RAPH1: variants seen among roughly 807,000 people sequenced by gnomAD.
The protein encoded by RAPH1 is ras-associated and pleckstrin homology domains-containing protein 1.
RAPH1 carries 18 observed loss-of-function variants against 88.1 expected under a neutral mutation model. The observed-to-expected ratio is 0.20, with a 90% confidence interval of 0.14 to 0.30. The LOEUF (loss-of-function observed/expected upper bound fraction) is 0.30, where lower values mean the gene tolerates loss of function less well. RAPH1 is among the 10% of genes least tolerant of loss of function. RAPH1 has a pLI of 1.00. For missense variants in RAPH1, 1,448 were observed against 1,543.2 expected, an observed-to-expected ratio of 0.94 and a Z score of 1.03; for synonymous variants, 587 against 559.0, an observed-to-expected ratio of 1.05 and a Z score of -0.71.
At chr2:203,498,882 G>C (rs1340522471) in intron 1 of RAPH1, among the ~76,000 whole-genome samples, 2 of 152,094 alleles carry the variant, frequency 1.3e-5, no homozygotes, top group African/African-American at 4.8e-5. Context: ...CTTATACGGT[G>C]GTCCCATAAG....
intron 4 of RAPH1, among the ~76,000 whole-genome samples, chr2:203,487,110 ATT>A (rs1688006421): frequency 6.6e-6 from 1 of 152,212 alleles, no homozygotes; most frequent in Non-Finnish European, 1.5e-5. Flanking sequence ...TAATGAGCAC[ATT>A]TTACAGACAG....
intron 1 of RAPH1, among the ~76,000 whole-genome samples, chr2:203,517,835 C>G (rs1173042046): frequency 6.6e-6 from 1 of 151,950 alleles, no homozygotes; most frequent in African/African-American, 2.4e-5. Flanking sequence ...AATGAAAACA[C>G]AATTTACCAA....
intron 2 of RAPH1, 140 bp downstream of exon 2, chr2:203,495,094 T>C: frequency 2.4e-6 from 2 of 839,596 alleles, no homozygotes; most frequent in East Asian, 2.5e-5. Context: ...TGACTTCATT[T>C]ACTTGTCAAT....
chr2:203,462,575 TTTG>T (rs1040844455), intron 4 of RAPH1, among the ~76,000 whole-genome samples: 1 of 152,224 alleles, frequency 6.6e-6, no homozygotes, highest in Non-Finnish European at 1.5e-5. Context: ...AAATTCAAAA[TTTG>T]TTTTTATTAG....
In RAPH1 at chr2:203,506,814, ATATATC is replaced by A. The variant is rs1206285930; in HGVS notation, c.1-11467_1-11462del. Among the ~76,000 whole-genome samples, 12 of 102,508 alleles carry A rather than the reference ATATATC, an allele frequency of 1.2e-4. 1 individual carries two copies. The highest frequency in any genetic ancestry group is 5.2e-4 in the African/African-American group (10 of 19,174). 67.2% of individuals were successfully genotyped at this position (102,508 alleles called of 152,430 possible). A position where few individuals can be genotyped will look rare whatever the true frequency, so the allele number is the denominator to read the frequency against. ...TATATCTATATATATATCTATATCT[ATATATC>A]TATATATATATCTATATCTATATAT... On this transcript the variant is annotated intron_variant, in intron 1 of 13. Coordinates refer to ENST00000319170, the MANE Select transcript of RAPH1 (RefSeq NM_213589.3).
intron 2 of RAPH1, among the ~76,000 whole-genome samples, 164 bp from the exon 3 acceptor site, chr2:203,491,483 T>A (rs1461813318): frequency 1.3e-5 from 2 of 152,224 alleles, no homozygotes; most frequent in Non-Finnish European, 2.9e-5. Context: ...TATTTGACAT[T>A]ATTATTTTGG....
intron 4 of RAPH1, among the ~76,000 whole-genome samples, chr2:203,467,615 T>A (rs2098529614): frequency 6.6e-6 from 1 of 151,754 alleles, no homozygotes; most frequent in African/African-American, 2.4e-5. Context: ...ATAATAAAAA[T>A]TTTAAAAATT....
chr2:203,525,437 C>A (rs778079196), intron 1 of RAPH1, among the ~76,000 whole-genome samples: 1 of 152,082 alleles, frequency 6.6e-6, no homozygotes, highest in Non-Finnish European at 1.5e-5. Flanking sequence ...ACCCCCTTGG[C>A]CTCCCAAAGT....
chr2:203,515,456 C>T (rs2105941511), intron 1 of RAPH1, among the ~76,000 whole-genome samples: 1 of 152,308 alleles, frequency 6.6e-6, no homozygotes, highest in African/African-American at 2.4e-5. Context: ...CATGAATGGC[C>T]TCATATCCAC....
At chr2:203,467,004 A>G (rs1048251560) in intron 4 of RAPH1, among the ~76,000 whole-genome samples, 33 of 152,362 alleles carry the variant, frequency 2.2e-4, no homozygotes, top group Admixed American at 6.5e-4. Flanking sequence ...AAGGGGCTAA[A>G]CAGTGGTTAA....
intron 13 of RAPH1, 82 bp downstream of exon 13, chr2:203,444,786 C>T (rs759763770): frequency 9.2e-6 from 12 of 1,299,366 alleles, no homozygotes; most frequent in Admixed American, 4.0e-5. Context: ...ATAAGATCCC[C>T]GATAAAGACA....
At chr2:203,491,388 TG>T in intron 2 of RAPH1, 69 bp from the exon 3 acceptor site, 4 of 1,081,240 alleles carry the variant, frequency 3.7e-6, no homozygotes, top group Non-Finnish European at 5.4e-6. Flanking sequence ...AGATGAAGTT[TG>T]TTTTATGATT....
chr2:203,461,095 G>A (rs2098523863), intron 6 of RAPH1, among the ~76,000 whole-genome samples, 154 bp downstream of exon 6: 1 of 151,866 alleles, frequency 6.6e-6, no homozygotes, highest in Non-Finnish European at 1.5e-5. Context: ...CAGTCTAGGT[G>A]ACAGAGCGAG....
intron 1 of RAPH1, among the ~76,000 whole-genome samples, chr2:203,511,481 C>T (rs1689339234): frequency 6.6e-6 from 1 of 152,098 alleles, no homozygotes; most frequent in South Asian, 2.1e-4. Context: ...TCAATAGCTG[C>T]GTTAATGACT....
In RAPH1 at chr2:203,489,607, G is replaced by A. The variant is rs1688149686; in HGVS notation, c.709C>T (p.His237Tyr). The change falls in exon 4 of 14, where the codon CAT becomes TAT. Residue 237 changes from histidine to tyrosine, a missense_variant. This residue lies in a region of RAPH1 where 513 missense variants were observed against 653.1 expected (regional missense o/e 0.79). Transcript: ENST00000319170. Reference protein sequence around the residue: ...VTRPQELDLTHQGQPITEEEQ... With the variant: ...VTRPQELDLTYQGQPITEEEQ... ...ACCTCAGTAATTGGCTGCCCTTGAT[G>A]TGTCAAATCCAGCTCTTGAGGGCGT... The A allele has an allele frequency of 6.3e-7, 1 of 1,576,634 alleles. No individual in the cohort carries two copies. Among genetic ancestry groups the A allele is most frequent in the Non-Finnish European group, 8.7e-7 (1 of 1,155,514 alleles).
intron 12 of RAPH1, chr2:203,447,299 G>A (rs2098510841): frequency 6.6e-6 from 1 of 151,422 alleles, no homozygotes; most frequent in Non-Finnish European, 1.5e-5. Context: ...TCTAGGGACT[G>A]GGTATTCTCA....
intron 1 of RAPH1, among the ~76,000 whole-genome samples, chr2:203,518,594 C>T (rs1366739064): frequency 5.9e-5 from 9 of 151,788 alleles, no homozygotes; most frequent in Admixed American, 5.9e-4. Context: ...CAACTACAAT[C>T]CTAGTGCTTT....
intron 1 of RAPH1, among the ~76,000 whole-genome samples, chr2:203,499,690 G>A (rs1003867947): frequency 6.6e-6 from 1 of 152,050 alleles, no homozygotes; most frequent in Non-Finnish European, 1.5e-5. Flanking sequence ...TCCAGCCTGA[G>A]TGACGAGTGA....
intron 1 of RAPH1, among the ~76,000 whole-genome samples, chr2:203,507,948 C>A (rs1324568677): frequency 1.3e-5 from 2 of 151,842 alleles, no homozygotes; most frequent in Non-Finnish European, 2.9e-5. Context: ...CACGGTGGCT[C>A]ATGCCTGTAA....
Sources: gnomAD v4.1 joint callset for allele counts (sites outside exome capture counted in the v4.1 genomes callset) on GRCh38, gnomAD v4.1.1 for gene constraint, gnomAD v4.1.1 regional missense constraint, MANE v1.5 for transcripts, NCBI Gene and HGNC (gene_info 2026-07-23, HGNC 2026-07-21) for gene names.